The following SEL1L3 variants were observed in gnomAD, a reference collection of about 807,000 sequenced individuals.
The protein encoded by SEL1L3 is protein sel-1 homolog 3.
In SEL1L3, 76 loss-of-function variants were observed where a neutral mutation model predicts 142.8. The observed-to-expected ratio is 0.53, with a 90% CI of 0.44 to 0.64. The LOEUF is 0.64. Ranked by LOEUF, SEL1L3 falls within the 30% of genes least tolerant of loss-of-function variation. The pLI is 0.00. For missense variants in SEL1L3, 1,262 were observed against 1,381.7 expected, an observed-to-expected ratio of 0.91 and a Z score of 1.37; for synonymous variants, 504 against 519.6, an observed-to-expected ratio of 0.97 and a Z score of 0.41.
intron 20 of SEL1L3, chr4:25,759,320 C>T (rs574395157): frequency 2.3e-6 from 1 of 441,778 alleles, no homozygotes; most frequent in Non-Finnish European, 4.1e-6. Flanking sequence ...ACCGGGAGAT[C>T]CGTCCTTTCT....
chr4:25,763,510 T>A (rs1028991832), intron 20 of SEL1L3, among the ~76,000 whole-genome samples: 2 of 152,108 alleles, frequency 1.3e-5, no homozygotes, highest in African/African-American at 4.8e-5. Flanking sequence ...CCCAGGTACA[T>A]GACCACTGCG....
chr4:25,739,759 AATGT>A, the SEL1L3 span, among the ~76,000 whole-genome samples: 6 of 115,372 alleles, frequency 5.2e-5, no homozygotes, highest in Non-Finnish European at 1.7e-5. Context: ...AAGAAAAAAT[AATGT>A]GTGTGTGTGT....
At chr4:25,837,572 C>A (rs929400063) in intron 2 of SEL1L3, among the ~76,000 whole-genome samples, 1 of 151,812 alleles carries the variant, frequency 6.6e-6, no homozygotes, top group Admixed American at 6.6e-5. Flanking sequence ...GAACACATAC[C>A]GTTTGTACCC....
the SEL1L3 span, among the ~76,000 whole-genome samples, chr4:25,728,824 C>T: frequency 1.3e-5 from 2 of 149,980 alleles, no homozygotes; most frequent in Non-Finnish European, 1.5e-5. Context: ...AGTGAACCTG[C>T]CACTGAACTC....
chr4:25,822,443 G>C (rs1302814064), intron 6 of SEL1L3, among the ~76,000 whole-genome samples: 1 of 152,240 alleles, frequency 6.6e-6, no homozygotes, highest in Non-Finnish European at 1.5e-5. Flanking sequence ...CAAGCATCTA[G>C]CAGAGTGCTT....
chr4:25,743,109 A>G (rs1211604162), downstream of SEL1L3, among the ~76,000 whole-genome samples: 1 of 152,216 alleles, frequency 6.6e-6, no homozygotes, highest in African/African-American at 2.4e-5. Flanking sequence ...TAAAAAGGGC[A>G]GACCTAGTCA....
chr4:25,767,687 T>C (rs1357974832), intron 18 of SEL1L3, 53 bp downstream of exon 18: 1 of 1,477,194 alleles, frequency 6.8e-7, no homozygotes, highest in South Asian at 1.2e-5. Context: ...TAAAACCCAA[T>C]TCATTATCCT....
At position 25,835,224 on chromosome 4, in the gene SEL1L3, G is replaced by A. The variant is rs1202361796; in HGVS notation, c.833C>T (p.Thr278Ile). Reference protein sequence around the residue: ...PRFRNRELEATRRQRMDYPVF... With the variant: ...PRFRNRELEAIRRQRMDYPVF... ...TGGGTAATCCATCCTCTGGCGTCGA[G>A]TGGCCTCCAGCTCTCGGTTCCGAAA... Residue 278 changes from threonine (T) to isoleucine (I), a missense_variant, in exon 3 of 24, where the codon ACT (threonine) becomes ATT (isoleucine). By Grantham distance (89) the Thr-to-Ile change is moderately conservative. Coordinates refer to ENST00000399878, the MANE Select transcript of SEL1L3 (RefSeq NM_015187.5). 6.2e-7 allele frequency: 1 copy of A among 1,614,000 alleles called. No individual in the cohort carries two copies. The highest frequency in any genetic ancestry group is 2.2e-5 in the East Asian group (1 of 44,890).
rs540023694 is a variant in SEL1L3, at chr4:25,861,208, T to C, written c.162+1467A>G. 2.0e-5 allele frequency among the ~76,000 whole-genome samples: 3 copies of C among 152,370 alleles called. No homozygotes were observed. The South Asian group carries it at 6.2e-4, about 32-fold the overall frequency. On this transcript the variant is annotated intron_variant, in intron 1 of 23. Coordinates refer to ENST00000399878, the MANE Select transcript of SEL1L3 (RefSeq NM_015187.5). ...TAAACTGAAATCTTGTCATTTGTTA[T>C]GGCAGTTTTATTTATGAGCCTGTGT...
At chr4:25,850,383 AC>A (rs1560358160) in intron 1 of SEL1L3, among the ~76,000 whole-genome samples, 1 of 152,256 alleles carries the variant, frequency 6.6e-6, no homozygotes, top group African/African-American at 2.4e-5. Context: ...CTGAAACTGC[AC>A]TGAGATACCA....
At chr4:25,810,838 C>T (rs938761580) in intron 9 of SEL1L3, among the ~76,000 whole-genome samples, 5 of 152,208 alleles carry the variant, frequency 3.3e-5, no homozygotes, top group African/African-American at 7.2e-5. Flanking sequence ...CAAGGGGACT[C>T]GGCCACATCT....
At chr4:25,854,677 G>T (rs772394604) in intron 1 of SEL1L3, among the ~76,000 whole-genome samples, 1 of 152,200 alleles carries the variant, frequency 6.6e-6, no homozygotes, top group Non-Finnish European at 1.5e-5. Context: ...GGGGTGAATA[G>T]CTCAACTGGG....
At chr4:25,790,372 C>A in intron 12 of SEL1L3, 83 bp downstream of exon 12, 1 of 1,318,032 alleles carries the variant, frequency 7.6e-7, no homozygotes, top group Non-Finnish European at 1.1e-6. Context: ...TAAGCCACTG[C>A]AGTTTGAGAT....
chr4:25,775,731 C>A (rs1345643379), intron 17 of SEL1L3, among the ~76,000 whole-genome samples: 1 of 152,168 alleles, frequency 6.6e-6, no homozygotes, highest in Non-Finnish European at 1.5e-5. Flanking sequence ...ATGAGATTTG[C>A]TAACTCCACC....
the SEL1L3 span, among the ~76,000 whole-genome samples, chr4:25,725,420 A>G: frequency 0.018 from 2,701 of 151,738 alleles, 84 homozygotes; most frequent in African/African-American, 0.06. Flanking sequence ...GGATCAAGCA[A>G]TTCTCCTGCC....
chr4:25,861,172 G>A lies in SEL1L3; in HGVS notation c.162+1503C>T, dbSNP rs185502507. Among the ~76,000 whole-genome samples, 4 of 152,300 alleles carry A rather than the reference G, an allele frequency of 2.6e-5. No individual in the cohort carries two copies. The South Asian group carries it at 6.2e-4, about 24-fold the overall frequency. On this transcript the variant is annotated intron_variant, in intron 1 of 23. Transcript: ENST00000399878. ...TAGCCAGCAGGGCCCTGTGTACAGG[G>A]ATCATCTGTTTAAACTGAAATCTTG...
chr4:25,731,838 C>T, the SEL1L3 span, among the ~76,000 whole-genome samples: 13 of 152,124 alleles, frequency 8.5e-5, no homozygotes, highest in South Asian at 2.1e-4. Context: ...TTTGGGAGGC[C>T]GAGACAGGTG....
chr4:25,829,407 T>C (rs1715301388), intron 6 of SEL1L3, among the ~76,000 whole-genome samples: 1 of 152,178 alleles, frequency 6.6e-6, no homozygotes, highest in Non-Finnish European at 1.5e-5. Flanking sequence ...CACTGTAAAG[T>C]CAAAAAATTG....
chr4:25,825,666 A>ATTTTTTTT (rs33997941), intron 6 of SEL1L3, among the ~76,000 whole-genome samples: 1 of 74,052 alleles, frequency 1.4e-5, no homozygotes, highest in Admixed American at 1.8e-4. Context: ...TCTAAATTCT[A>ATTTTTTTT]TTTTTTTTTT....
Sources: gnomAD v4.1 joint callset for allele counts (sites outside exome capture counted in the v4.1 genomes callset) on GRCh38, gnomAD v4.1.1 for gene constraint, MANE v1.5 for transcripts, NCBI Gene and HGNC (gene_info 2026-07-23, HGNC 2026-07-21) for gene names.